Variants in DDX60 observed in about 807,000 individuals in gnomAD.
DDX60 encodes probable ATP-dependent RNA helicase DDX60.
A neutral mutation model predicts 212.8 loss-of-function variants in DDX60; 165 were observed. The observed-to-expected ratio is 0.78, with a 90% CI of 0.68 to 0.88. DDX60 has a LOEUF of 0.88. DDX60 is among the 40% of genes least tolerant of loss of function. The pLI is 0.00. For missense variants in DDX60, 1,905 were observed against 2,003.9 expected, an observed-to-expected ratio of 0.95 and a Z score of 0.94; for synonymous variants, 703 against 685.3, an observed-to-expected ratio of 1.03 and a Z score of -0.40.
intron 19 of DDX60, among the ~76,000 whole-genome samples, chr4:168,270,784 G>C (rs1735056233): frequency 6.6e-6 from 1 of 151,588 alleles, no homozygotes; most frequent in South Asian, 2.1e-4. Flanking sequence ...TTTCCCCTTT[G>C]AATGTAAAAT....
chr4:168,269,904 G>A (rs1735017947), intron 19 of DDX60, among the ~76,000 whole-genome samples: 1 of 152,088 alleles, frequency 6.6e-6, no homozygotes, highest in Non-Finnish European at 1.5e-5. Flanking sequence ...AAATGGTAGA[G>A]TTCAGCTCAA....
chr4:168,286,389 T>TACACACACACACACACACACACACAC (rs71867661), intron 10 of DDX60, among the ~76,000 whole-genome samples: 3 of 133,662 alleles, frequency 2.2e-5, no homozygotes, highest in Non-Finnish European at 4.7e-5. Flanking sequence ...CTTGATTTTA[T>TACACACACACACACACACACACACAC]ACACACACAC....
At position 168,274,083 on chromosome 4, in the gene DDX60, G is replaced by A. The variant is rs200095393; in HGVS notation, c.2305C>T (p.Arg769Ter). The part of the protein sequence containing the change: ...VQDFIPDTWQ[R>*]ELLDVVDKNE... ...TTATCCACAACATCAAGGAGCTCTC[G>A]CTGCAGGGTGCAGAGTACCATTCAT... The change falls in exon 17 of 38, where the codon CGA becomes TGA. Residue 769 changes from arginine to a stop codon, truncating the protein, a stop_gained and splice_region_variant. Coordinates refer to ENST00000393743, the MANE Select transcript of DDX60 (RefSeq NM_017631.6). LOFTEE classifies it high-confidence loss of function. 7.1e-5 allele frequency: 114 copies of A among 1,613,970 alleles called. No homozygotes were observed. Among genetic ancestry groups the A allele is most frequent in the Non-Finnish European group, 9.5e-5 (112 of 1,179,988 alleles).
chr4:168,273,954 C>T lies in DDX60; in HGVS notation c.2434G>A (p.Val812Met), dbSNP rs1441110573. The change falls in exon 17 of 38, where the codon GTG becomes ATG. Residue 812 changes from valine (V) to methionine (M), a missense_variant. Physicochemically the swap from Val to Met is conservative, Grantham distance 21. Transcript: ENST00000393743. ...VLKESDDGVV[V>M]YVAPTKALVN... ...ACTACCTTTGTGGGTGCAACGTACA[C>T]GACCACCCCGTCGTCGCTCTCCTTC... The T allele has an allele frequency of 8.1e-6, 13 of 1,613,862 alleles. No individual in the cohort carries two copies. Among genetic ancestry groups the T allele is most frequent in the East Asian group, 2.2e-5 (1 of 44,882 alleles).
chr4:168,300,656 T>C (rs1736610521), intron 6 of DDX60, among the ~76,000 whole-genome samples: 1 of 151,456 alleles, frequency 6.6e-6, no homozygotes, highest in Admixed American at 6.6e-5. Context: ...AAAATGAACG[T>C]AATTAAAAAC....
At chr4:168,230,904 A>C (rs2149493519) in intron 33 of DDX60, among the ~76,000 whole-genome samples, 1 of 152,154 alleles carries the variant, frequency 6.6e-6, no homozygotes, top group South Asian at 2.1e-4. Context: ...ATGAAACTAA[A>C]AGCTGGTTCT....
At chr4:168,290,195 C>A (rs546213296) in intron 8 of DDX60, among the ~76,000 whole-genome samples, 6 of 152,262 alleles carry the variant, frequency 3.9e-5, no homozygotes, top group African/African-American at 1.2e-4. Flanking sequence ...ATGCCATCCT[C>A]GGGATAATCA....
chr4:168,267,657 C>T lies in DDX60; in HGVS notation c.2964G>A (p.Lys988=). The part of the protein sequence containing the change: ...LYGERYNDLE[K]HVCSIKHGDI... The stretch of plus-strand genomic sequence containing the variant: ...CACCATGTTTTATTGAACATACATG[C>T]TTCTCTAGATCATTATACCTCTCTC... The change falls in exon 22 of 38, where the codon AAG becomes AAA. Residue 988 remains lysine, a synonymous_variant. Transcript: ENST00000393743. 1.2e-6 allele frequency: 2 copies of T among 1,602,844 alleles called. No individual in the cohort carries two copies. The highest frequency in any genetic ancestry group is 1.7e-6 in the Non-Finnish European group (2 of 1,174,480).
intron 13 of DDX60, among the ~76,000 whole-genome samples, chr4:168,282,955 T>C (rs1735656792): frequency 6.6e-6 from 1 of 152,082 alleles, no homozygotes; most frequent in Non-Finnish European, 1.5e-5. Flanking sequence ...AAAAGGTAAG[T>C]TTGCAGGAGT....
intron 11 of DDX60, among the ~76,000 whole-genome samples, 179 bp downstream of exon 11, chr4:168,285,214 C>G (rs969599687): frequency 1.3e-5 from 2 of 152,114 alleles, no homozygotes; most frequent in African/African-American, 4.8e-5. Flanking sequence ...AAAAACTATA[C>G]AGATTTTTAC....
At chr4:168,305,220 T>C (rs1332737710) in intron 5 of DDX60, among the ~76,000 whole-genome samples, 1 of 152,230 alleles carries the variant, frequency 6.6e-6, no homozygotes, top group East Asian at 1.9e-4. Context: ...GTCTGTACAC[T>C]AACGATGTTT....
In DDX60 at chr4:168,280,343, C is replaced by A; in HGVS notation, c.1970G>T (p.Ser657Ile). 6.2e-7 allele frequency: 1 copy of A among 1,610,720 alleles called. No homozygotes were observed. Among genetic ancestry groups the A allele is most frequent in the Non-Finnish European group, 8.5e-7 (1 of 1,178,500 alleles). ...AAAACAGAATTACATACCTTCTTCACTTCGGCAATGTTCTTTCCAGGCTTT... is the reference window on the plus strand; with the variant it reads ...AAAACAGAATTACATACCTTCTTCAATTCGGCAATGTTCTTTCCAGGCTTT... ...CLKAWKEHCR[S>I]EEGKTTKDLS... is the part of the protein sequence containing the mutation. Residue 657 changes from serine to isoleucine, a missense_variant, in exon 14 of 38, where the codon AGT becomes ATT. Transcript: ENST00000393743.
chr4:168,312,484 C>T (rs753276932), intron 1 of DDX60, among the ~76,000 whole-genome samples: 1 of 152,014 alleles, frequency 6.6e-6, no homozygotes, highest in Non-Finnish European at 1.5e-5. Flanking sequence ...TAAAAACCCA[C>T]ATTTGAAGAT....
intron 36 of DDX60, 42 bp from the exon 37 acceptor site, chr4:168,220,759 T>C (rs749598421): frequency 5.8e-6 from 6 of 1,032,096 alleles, no homozygotes; most frequent in Non-Finnish European, 8.1e-6. Flanking sequence ...TACAAAACAT[T>C]AAAGAACATC....
intron 30 of DDX60, among the ~76,000 whole-genome samples, chr4:168,246,132 C>A (rs1578994026): frequency 6.6e-6 from 1 of 152,074 alleles, no homozygotes; most frequent in African/African-American, 2.4e-5. Context: ...AAATCCATAG[C>A]CAGCACTTAA....
At chr4:168,302,132 T>G (rs1466528707) in intron 6 of DDX60, among the ~76,000 whole-genome samples, 168 bp downstream of exon 6, 1 of 152,224 alleles carries the variant, frequency 6.6e-6, no homozygotes, top group Non-Finnish European at 1.5e-5. Context: ...TTAATAGGAT[T>G]GACACAATGT....
intron 25 of DDX60, among the ~76,000 whole-genome samples, chr4:168,260,533 G>A (rs191733499): frequency 7.9e-5 from 12 of 152,244 alleles, no homozygotes; most frequent in East Asian, 5.8e-4. Context: ...AGTGGGTGGC[G>A]GTGGGGAAGT....
At chr4:168,220,573 C>T (rs773669693) in intron 37 of DDX60, 82 bp downstream of exon 37, 1 of 807,560 alleles carries the variant, frequency 1.2e-6, no homozygotes, top group South Asian at 1.8e-5. Flanking sequence ...ATGTACCTGG[C>T]TTATAGTAAC....
At chr4:168,308,284 T>C in intron 3 of DDX60, 89 bp from the exon 4 acceptor site, 1 of 751,866 alleles carries the variant, frequency 1.3e-6, no homozygotes, top group Non-Finnish European at 2.1e-6. Context: ...ATTATCATTA[T>C]CATCAATAGC....
Sources: gnomAD v4.1 joint callset for allele counts (sites outside exome capture counted in the v4.1 genomes callset) on GRCh38, gnomAD v4.1.1 for gene constraint, MANE v1.5 for transcripts, NCBI Gene and HGNC (gene_info 2026-07-23, HGNC 2026-07-21) for gene names.